The following CTNNA3 variants were observed in gnomAD, a reference collection of about 807,000 sequenced individuals.
The protein encoded by CTNNA3 is catenin alpha-3.
A neutral mutation model predicts 95.7 loss-of-function variants in CTNNA3; 76 were observed. The ratio of observed to expected loss-of-function variants is 0.79; its 90% confidence interval spans 0.66 to 0.96. The LOEUF is 0.96. Among genes scored for constraint, CTNNA3 ranks in the 40% least tolerant of loss-of-function variants. The pLI is 0.00. For missense variants in CTNNA3, 1,191 were observed against 1,089.8 expected (o/e 1.09, Z -1.31); for synonymous variants, 431 against 374.4 (o/e 1.15, Z -1.74).
At chr10:67,116,737 TATA>T (rs1352897388) in intron 7 of CTNNA3, among the ~76,000 whole-genome samples, 8 of 147,672 alleles carry the variant, frequency 5.4e-5, no homozygotes, top group Non-Finnish European at 1.2e-4. Flanking sequence ...TATATATATA[TATA>T]TATAATATAT....
Position 66,351,077 on chromosome 10 carries a change from T to C in CTNNA3, c.1732+28075A>G, listed in dbSNP as rs149922810. Among the ~76,000 whole-genome samples the C allele has an allele frequency of 5.3e-5, 8 of 152,180 alleles. No individual in the cohort carries two copies. In the East Asian group the frequency reaches 9.6e-4, roughly 18 times the overall value. On this transcript the variant is annotated intron_variant, in intron 12 of 17. Transcript: ENST00000433211. ...AAACAAAAACAAAAACAAAAGTCTGTAATTTTGTGCACAGACCCAACAATC... is the reference window on the plus strand; with the variant it reads ...AAACAAAAACAAAAACAAAAGTCTGCAATTTTGTGCACAGACCCAACAATC...
chr10:66,696,635 A>T (rs1847775225), intron 9 of CTNNA3, among the ~76,000 whole-genome samples: 1 of 152,164 alleles, frequency 6.6e-6, no homozygotes, highest in Non-Finnish European at 1.5e-5. Context: ...CCTCTTAATC[A>T]TCTAAAATAT....
At chr10:67,731,388 G>C (rs1237015880) in intron 1 of CTNNA3, among the ~76,000 whole-genome samples, 1 of 152,134 alleles carries the variant, frequency 6.6e-6, no homozygotes, top group Non-Finnish European at 1.5e-5. Context: ...GGCTGAGGCA[G>C]CAGAATCGGT....
In CTNNA3 at chr10:66,295,945, A is replaced by G. The variant is rs937485407; in HGVS notation, c.1733-15324T>C. On this transcript the variant is annotated intron_variant, in intron 12 of 17. Coordinates refer to ENST00000433211, the MANE Select transcript of CTNNA3 (RefSeq NM_013266.4). ...GAAAAATTTTGGAGATGGCAATAAC[A>G]CTTTTTAGTATTGGATGATTTCCTT... is the stretch of plus-strand genomic sequence containing the variant. 2.6e-5 allele frequency among the ~76,000 whole-genome samples: 4 copies of G among 152,146 alleles called. No homozygotes were observed. In the East Asian group the frequency reaches 5.8e-4, roughly 22 times the overall value.
intron 7 of CTNNA3, among the ~76,000 whole-genome samples, chr10:67,069,216 G>A (rs540417108): frequency 6.6e-6 from 1 of 152,068 alleles, no homozygotes; most frequent in East Asian, 1.9e-4. Flanking sequence ...AAAATATGCA[G>A]ATGAATGATC....
rs140701315 is a variant in CTNNA3, at chr10:67,269,599, A to T, written c.580-49729T>A. The stretch of plus-strand genomic sequence containing the variant: ...AGATGTCTTTAAGAAGAAATGAAAA[A>T]ATAAAGTAAATGTGAAAATTTCCCT... On this transcript the variant is annotated intron_variant, in intron 5 of 17. Coordinates refer to ENST00000433211, the MANE Select transcript of CTNNA3 (RefSeq NM_013266.4). Among the ~76,000 whole-genome samples the T allele has an allele frequency of 4.6e-5, 7 of 152,312 alleles. No homozygotes were observed. The East Asian group carries it at 1.4e-3, about 29-fold the overall frequency.
chr10:66,016,747 G>A (rs2079103739), intron 15 of CTNNA3, among the ~76,000 whole-genome samples: 1 of 151,976 alleles, frequency 6.6e-6, no homozygotes, highest in Non-Finnish European at 1.5e-5. Flanking sequence ...AAAGAGATGT[G>A]CTTCTATTCT....
At chr10:66,564,226 T>A (rs953843494) in intron 10 of CTNNA3, among the ~76,000 whole-genome samples, 1 of 152,198 alleles carries the variant, frequency 6.6e-6, no homozygotes, top group Non-Finnish European at 1.5e-5. Flanking sequence ...TATGTTCATA[T>A]TTCCAGAACT....
intron 7 of CTNNA3, among the ~76,000 whole-genome samples, chr10:66,948,365 A>C (rs1261838031): frequency 6.6e-6 from 1 of 152,200 alleles, no homozygotes; most frequent in East Asian, 1.9e-4. Flanking sequence ...GAATGGGGAG[A>C]ATGTCTAGGA....
At chr10:67,727,180 T>TTA (rs977099463) in intron 1 of CTNNA3, among the ~76,000 whole-genome samples, 1 of 125,574 alleles carries the variant, frequency 8.0e-6, no homozygotes, top group South Asian at 2.3e-4. Context: ...GATACATATA[T>TTA]TATATATATT....
intron 9 of CTNNA3, among the ~76,000 whole-genome samples, chr10:66,752,213 TTTAAAGACAATC>T (rs1465898145): frequency 6.6e-6 from 1 of 152,096 alleles, no homozygotes; most frequent in East Asian, 1.9e-4. Flanking sequence ...AAGTTACAGT[TTTAAAGACAATC>T]TTGAATAAAT....
At chr10:66,198,106 C>T (rs2087079844) in intron 13 of CTNNA3, among the ~76,000 whole-genome samples, 1 of 152,088 alleles carries the variant, frequency 6.6e-6, no homozygotes, top group East Asian at 1.9e-4. Context: ...TTTACTATCT[C>T]CCTTTTTGTT....
rs1856281716 is a variant in CTNNA3, at chr10:67,069,210, T to C, written c.1047+111107A>G. 2.0e-5 allele frequency among the ~76,000 whole-genome samples: 3 copies of C among 151,842 alleles called. No individual in the cohort carries two copies. In the South Asian group the frequency reaches 6.2e-4, roughly 32 times the overall value. ...TTGATTAGTAAAGAAAAAAGAAAAA[T>C]ATGCAGATGAATGATCAAAGTATAC... On this transcript the variant is annotated intron_variant, in intron 7 of 17. Coordinates refer to ENST00000433211, the MANE Select transcript of CTNNA3 (RefSeq NM_013266.4).
chr10:67,140,657 T>C (rs1479073446), intron 7 of CTNNA3, among the ~76,000 whole-genome samples: 1 of 152,222 alleles, frequency 6.6e-6, no homozygotes, highest in African/African-American at 2.4e-5. Flanking sequence ...AACTTCAATA[T>C]GGCCCAATAA....
chr10:66,337,821 C>G (rs1487985727), intron 12 of CTNNA3, among the ~76,000 whole-genome samples: 1 of 151,938 alleles, frequency 6.6e-6, no homozygotes, highest in East Asian at 1.9e-4. Flanking sequence ...ATGGTGCAGC[C>G]ACTTTGGAAA....
At chr10:67,370,869 GTTTT>G (rs58583527) in intron 5 of CTNNA3, among the ~76,000 whole-genome samples, 1 of 136,306 alleles carries the variant, frequency 7.3e-6, no homozygotes. Flanking sequence ...AGTTTTTTTT[GTTTT>G]TTTTTTTTTT....
At chr10:66,016,805 A>C (rs1022774541) in intron 15 of CTNNA3, among the ~76,000 whole-genome samples, 14 of 152,142 alleles carry the variant, frequency 9.2e-5, no homozygotes, top group African/African-American at 3.4e-4. Flanking sequence ...TATTATTTTC[A>C]TAAGATATTT....
intron 5 of CTNNA3, among the ~76,000 whole-genome samples, chr10:67,347,977 A>G (rs1432134762): frequency 6.6e-6 from 1 of 152,154 alleles, no homozygotes; most frequent in Non-Finnish European, 1.5e-5. Context: ...TCACCAAACC[A>G]GAAACGTCAA....
chr10:66,115,524 TGATAGATAGATA>T lies in CTNNA3; in HGVS notation c.1885-12287_1885-12276del, dbSNP rs71035110. Among the ~76,000 whole-genome samples, 1,019 of 137,366 alleles carry T rather than the reference TGATAGATAGATA, an allele frequency of 7.4e-3. 14 individuals are homozygous for T. Among genetic ancestry groups the T allele is most frequent in the East Asian group, 0.027 (130 of 4,740 alleles). 90.1% of individuals were successfully genotyped at this position (137,366 alleles called of 152,430 possible). A position where few individuals can be genotyped will look rare whatever the true frequency, so the allele number is the denominator to read the frequency against. Reference sequence around the variant, plus strand: ...TGGGGAATATAGATAGATAGATAGATGATAGATAGATAGATAGATAGATAGATAGATAGATAG... The same window carrying T: ...TGGGGAATATAGATAGATAGATAGATGATAGATAGATAGATAGATAGATAG... On this transcript the variant is annotated intron_variant, in intron 13 of 17. Coordinates refer to ENST00000433211, the MANE Select transcript of CTNNA3 (RefSeq NM_013266.4).
Sources: allele counts gnomAD v4.1 joint callset (sites outside exome capture counted in the v4.1 genomes callset), GRCh38; gene constraint gnomAD v4.1.1; transcripts MANE v1.5; gene names NCBI Gene and HGNC (gene_info 2026-07-23, HGNC 2026-07-21).